VEZT: variants seen among roughly 807,000 people sequenced by gnomAD.
VEZT encodes vezatin.
VEZT carries 39 observed loss-of-function variants against 79.9 expected under a neutral mutation model. That is an observed-to-expected ratio of 0.49 (90% CI 0.38 to 0.64). VEZT has a LOEUF of 0.64. Among genes scored for constraint, VEZT ranks in the 30% least tolerant of loss-of-function variants. The probability of loss-of-function intolerance (pLI) is 0.00; values close to 1 mark genes in which losing one functional copy is unlikely to be tolerated. For synonymous variants in VEZT, 325 were observed against 327.6 expected (o/e 0.99, Z 0.09); for missense variants, 837 against 893.1 (o/e 0.94, Z 0.80).
Position 95,302,047 on chromosome 12 carries a change from G to A in VEZT, c.*1374G>A, listed in dbSNP as rs1238265956. 2 of 152,224 alleles carry A rather than the reference G, an allele frequency of 1.3e-5. No individual in the cohort carries two copies. The highest frequency in any genetic ancestry group is 2.4e-5 in the African/African-American group (1 of 41,544). 9.4% of individuals were successfully genotyped at this position (152,224 alleles called of 1,614,324 possible). On this transcript the variant is annotated 3_prime_UTR_variant, in exon 12 of 12. Transcript: ENST00000436874. ...CCTCTTCGGAGCAATACCTTAGGTTGGGCCTTGCTTTACTACTTAGAAATA... is the reference window on the plus strand; with the variant it reads ...CCTCTTCGGAGCAATACCTTAGGTTAGGCCTTGCTTTACTACTTAGAAATA...
intron 1 of VEZT, among the ~76,000 whole-genome samples, chr12:95,248,833 AAAAAAG>A (rs527516617): frequency 0.019 from 2,837 of 151,666 alleles, 88 homozygotes; most frequent in African/African-American, 0.064. Context: ...AAAAAAAAAA[AAAAAAG>A]AAAGAAAGAA....
intron 1 of VEZT, among the ~76,000 whole-genome samples, chr12:95,235,611 G>A (rs1242990745): frequency 6.8e-6 from 1 of 146,890 alleles, no homozygotes; most frequent in Non-Finnish European, 1.5e-5. Flanking sequence ...TCCCAGTAGG[G>A]CCGGCCGGGC....
At chr12:95,294,469 T>A in intron 10 of VEZT, 97 bp downstream of exon 10, 1 of 990,752 alleles carries the variant, frequency 1.0e-6, no homozygotes, top group Non-Finnish European at 1.5e-6. Context: ...ATCAGATCAT[T>A]AGTTCTTAGT....
In VEZT at chr12:95,229,069, T is replaced by A. The variant is rs191836675; in HGVS notation, c.36+11183T>A. On this transcript the variant is annotated intron_variant, in intron 1 of 11. Transcript: ENST00000436874. ...AAGATATGCAAGAAGAAATTCCATG[T>A]TTAATATGAATTATAAAAATTATTC... Among the ~76,000 whole-genome samples, 12 of 152,334 alleles carry A rather than the reference T, an allele frequency of 7.9e-5. No individual in the cohort carries two copies. The East Asian group carries it at 2.3e-3, about 29-fold the overall frequency.
intron 11 of VEZT, chr12:95,299,644 T>G (rs1399476522): frequency 6.6e-6 from 1 of 152,220 alleles, no homozygotes; most frequent in Non-Finnish European, 1.5e-5. Context: ...GAAGATATTA[T>G]TATTATCTAG....
intron 9 of VEZT, among the ~76,000 whole-genome samples, chr12:95,292,953 C>T (rs527787793): frequency 4.8e-5 from 7 of 146,146 alleles, no homozygotes; most frequent in Admixed American, 7.0e-5. Flanking sequence ...CGGGTTCAAA[C>T]GATTCTTCTG....
At chr12:95,241,895 C>T (rs1378565150) in intron 1 of VEZT, among the ~76,000 whole-genome samples, 1 of 152,006 alleles carries the variant, frequency 6.6e-6, no homozygotes, top group African/African-American at 2.4e-5. Context: ...TTTGTGCCTC[C>T]ACTGAGACTA....
intron 8 of VEZT, among the ~76,000 whole-genome samples, chr12:95,284,097 T>G (rs554798749): frequency 6.6e-6 from 1 of 152,306 alleles, no homozygotes; most frequent in South Asian, 2.1e-4. Context: ...AAAGAGGAGC[T>G]TTGTACCATG....
chr12:95,236,575 CT>C (rs767088513), intron 1 of VEZT, among the ~76,000 whole-genome samples: 481 of 141,674 alleles, frequency 3.4e-3, no homozygotes, highest in Non-Finnish European at 4.0e-3. Flanking sequence ...TTACTGAATT[CT>C]TTTTTTTTTT....
chr12:95,300,313 G>C lies in VEZT; in HGVS notation c.1980G>C (p.Arg660Ser). 6.2e-7 allele frequency: 1 copy of C among 1,609,892 alleles called. No homozygotes were observed. The highest frequency in any genetic ancestry group is 8.5e-7 in the Non-Finnish European group (1 of 1,177,934). Residue 660 changes from arginine to serine, a missense_variant, in exon 12 of 12, where the codon AGG becomes AGC. Transcript: ENST00000436874. ...KSATTDNEIS[R>S]TEYLCENSLE... ...CCACAACAGACAATGAAATAAGTAG[G>C]ACTGAGTATTTATGTGAAAACTCTC...
chr12:95,290,571 G>T (rs1036519131), intron 9 of VEZT: 7 of 152,138 alleles, frequency 4.6e-5, no homozygotes, highest in African/African-American at 1.7e-4. Flanking sequence ...CCACTTATGA[G>T]GTACTCTTAA....
rs767580297 is a variant in VEZT at position 95,252,062 on chromosome 12, C to T, written c.159C>T (p.Val53=). ...TEGQQKPPTR[V]LPKQGILLKV... ...GACAACAAAAGCCTCCTACAAGAGT[C>T]CTACCAAAAGTAAGAACGCATGCTC... is the stretch of plus-strand genomic sequence containing the variant. Residue 53 remains valine, a synonymous_variant, in exon 2 of 12, where the codon GTC becomes GTT. Transcript: ENST00000436874. 4.4e-6 allele frequency: 7 copies of T among 1,604,864 alleles called. No homozygotes were observed. The highest frequency in any genetic ancestry group is 1.1e-5 in the South Asian group (1 of 88,826).
At chr12:95,245,938 C>T (rs2061653809) in intron 1 of VEZT, among the ~76,000 whole-genome samples, 1 of 152,196 alleles carries the variant, frequency 6.6e-6, no homozygotes, top group African/African-American at 2.4e-5. Flanking sequence ...ATGATCGTGC[C>T]ATTGCACTCC....
chr12:95,224,360 C>T, intron 1 of VEZT: 1 of 425,428 alleles, frequency 2.4e-6, no homozygotes, highest in Middle Eastern at 5.4e-4. Context: ...GTTGCCTAGG[C>T]TGGAATGCAG....
intron 11 of VEZT, among the ~76,000 whole-genome samples, chr12:95,298,096 G>A (rs1303880153): frequency 6.6e-6 from 1 of 151,642 alleles, no homozygotes; most frequent in African/African-American, 2.4e-5. Context: ...CTCCAGCCTG[G>A]GTGACAGAGT....
chr12:95,224,383 T>A (rs2058105170), intron 1 of VEZT: 7 of 387,490 alleles, frequency 1.8e-5, no homozygotes, highest in South Asian at 7.7e-5. Flanking sequence ...TTAACCATCA[T>A]AACTCACTGC....
rs574823110 is a variant in VEZT, at chr12:95,285,142, A to C, written c.1328+2498A>C. ...AACAACCTCAATTACTTTTGTATCA[A>C]CCTAATAGAACAAGCTTCCGGCCAG... is the stretch of plus-strand genomic sequence containing the variant. On this transcript the variant is annotated intron_variant, in intron 8 of 11. Coordinates refer to ENST00000436874, the MANE Select transcript of VEZT (RefSeq NM_017599.4). 2.0e-5 allele frequency among the ~76,000 whole-genome samples: 3 copies of C among 150,902 alleles called. No homozygotes were observed. The East Asian group carries it at 5.8e-4, about 29-fold the overall frequency.
At chr12:95,218,253 C>T (rs918746444) in intron 1 of VEZT, 1 of 177,180 alleles carries the variant, frequency 5.6e-6, no homozygotes, top group Non-Finnish European at 1.2e-5. Context: ...TTAGCCTCCT[C>T]CTTTTCCATC....
intron 1 of VEZT, among the ~76,000 whole-genome samples, chr12:95,251,053 C>T (rs2062519202): frequency 1.3e-5 from 2 of 151,990 alleles, no homozygotes; most frequent in South Asian, 4.1e-4. Context: ...TCTTGTCGCC[C>T]AGGCTGGAGT....
Sources: gnomAD v4.1 joint callset for allele counts (sites outside exome capture counted in the v4.1 genomes callset) on GRCh38, gnomAD v4.1.1 for gene constraint, MANE v1.5 for transcripts, NCBI Gene and HGNC (gene_info 2026-07-23, HGNC 2026-07-21) for gene names.